Variants in PRSS48 observed in about 807,000 individuals in gnomAD.
The protein encoded by PRSS48 is serine protease 48.
A neutral mutation model predicts 25.6 loss-of-function variants in PRSS48; 21 were observed. The observed-to-expected ratio is 0.82, with a 90% CI of 0.58 to 1.18. PRSS48 has a LOEUF of 1.18. PRSS48 is among the 50% of genes most tolerant of loss of function. PRSS48 has a pLI of 0.00. For synonymous variants in PRSS48, 150 were observed against 149.3 expected, an observed-to-expected ratio of 1.00 and a Z score of -0.04; for missense variants, 373 against 399.3, an observed-to-expected ratio of 0.93 and a Z score of 0.56.
intron 4 of PRSS48, among the ~76,000 whole-genome samples, chr4:151,287,341 CA>C (rs34944826): frequency 0.7 from 57,557 of 82,406 alleles, 18,213 homozygotes; most frequent in Middle Eastern, 0.77. Flanking sequence ...ACTCTGTCTC[CA>C]AAAAAAAAAA....
rs747612679 is a variant in PRSS48 at position 151,291,339 on chromosome 4, CT to C, written c.874del (p.Ser292ProfsTer12). ...TACTCTCTCTGGCTCTCCTGCGTCC[CT>C]CCTGTGCCTTTGGACCTAACACTAT... On this transcript the variant is annotated frameshift_variant, in exon 5 of 5. Coordinates refer to ENST00000455694, the Ensembl canonical transcript of PRSS48. LOFTEE classifies it low-confidence loss of function (END_TRUNC). The C allele has an allele frequency of 6.2e-7, 1 of 1,613,928 alleles. No individual in the cohort carries two copies. The highest frequency in any genetic ancestry group is 8.5e-7 in the Non-Finnish European group (1 of 1,179,810).
chr4:151,286,202 A>AC (rs1774763994), intron 4 of PRSS48, among the ~76,000 whole-genome samples: 1 of 150,338 alleles, frequency 6.7e-6, no homozygotes, highest in African/African-American at 2.4e-5. Context: ...AAAAAAAAAA[A>AC]AACAACTAAA....
rs1216256284 is a variant in PRSS48 at position 151,281,660 on chromosome 4, G to A, written c.216-488G>A. Among the ~76,000 whole-genome samples, 3 of 145,224 alleles carry A rather than the reference G, an allele frequency of 2.1e-5. No individual in the cohort carries two copies. The East Asian group carries it at 6.0e-4, about 29-fold the overall frequency. ...AGTTTGAACTGAGGGTGGTGGGGCAGAGAACTTGTTATTTATTTATTTATT... is the reference window on the plus strand; with the variant it reads ...AGTTTGAACTGAGGGTGGTGGGGCAAAGAACTTGTTATTTATTTATTTATT... On this transcript the variant is annotated intron_variant, in intron 2 of 4. Coordinates refer to ENST00000455694, the Ensembl canonical transcript of PRSS48.
intron 4 of PRSS48, among the ~76,000 whole-genome samples, chr4:151,288,661 G>A (rs577760010): frequency 5.3e-5 from 8 of 151,554 alleles, no homozygotes; most frequent in South Asian, 2.1e-4. Context: ...GCAACGAAGC[G>A]AGACTCTGTC....
intron 1 of PRSS48, among the ~76,000 whole-genome samples, chr4:151,277,935 A>G (rs754151300): frequency 6.6e-6 from 1 of 152,012 alleles, no homozygotes; most frequent in South Asian, 2.1e-4. Context: ...CAGCTACTCA[A>G]TAGACTGAGG....
chr4:151,282,186 C>G, exon 3 of PRSS48: 1 of 1,613,832 alleles, frequency 6.2e-7, no homozygotes, highest in Middle Eastern at 1.7e-4. Flanking sequence ...TGGCTAGGAT[C>G]GATTACAGTA....
Position 151,282,147 on chromosome 4 carries a change from G to A in PRSS48, c.216-1G>A. The A allele has an allele frequency of 6.2e-7, 1 of 1,613,252 alleles. No individual in the cohort carries two copies. The highest frequency in any genetic ancestry group is 1.7e-4 in the Middle Eastern group (1 of 6,050). On this transcript the variant is annotated splice_acceptor_variant, in intron 2 of 4. Transcript: ENST00000455694. LOFTEE classifies it high-confidence loss of function. ...GCAGGCCTCCTTTCTTTTCCCCATA[G>A]GACCTGGACTACTTTTTCATATACT...
At position 151,282,139 on chromosome 4, in the gene PRSS48, T is replaced by TC; in HGVS notation, c.216-5dup. 1 of 1,612,412 alleles carries TC rather than the reference T, an allele frequency of 6.2e-7. No homozygotes were observed. The highest frequency in any genetic ancestry group is 8.5e-7 in the Non-Finnish European group (1 of 1,178,704). On this transcript the variant is annotated splice_polypyrimidine_tract_variant and intron_variant, in intron 2 of 4. Coordinates refer to ENST00000455694, the Ensembl canonical transcript of PRSS48. ...GGCCATAAGCAGGCCTCCTTTCTTT[T>TC]CCCCATAGGACCTGGACTACTTTTT...
chr4:151,277,270 A>G (rs371734127), intron 1 of PRSS48, 46 bp downstream of exon 1: 1 of 1,414,092 alleles, frequency 7.1e-7, no homozygotes, highest in Non-Finnish European at 9.5e-7. Context: ...GAGGATTTTT[A>G]CTAAAGAGGG....
At chr4:151,288,074 G>A (rs899992696) in intron 4 of PRSS48, among the ~76,000 whole-genome samples, 7 of 151,308 alleles carry the variant, frequency 4.6e-5, no homozygotes, top group Non-Finnish European at 1.0e-4. Flanking sequence ...ATCCAACAAC[G>A]CTTCACGTTA....
chr4:151,282,512 C>T (rs6849871), intron 3 of PRSS48, 99 bp downstream of exon 3: 6 of 1,274,504 alleles, frequency 4.7e-6, no homozygotes, highest in Middle Eastern at 2.1e-4. Context: ...AAATATTTTT[C>T]AACAAAACCA....
intron 4 of PRSS48, among the ~76,000 whole-genome samples, chr4:151,284,126 A>G (rs13112985): frequency 0.36 from 54,952 of 152,002 alleles, 10,931 homozygotes; most frequent in Middle Eastern, 0.45. Context: ...TATTTCACCA[A>G]CACTTGGAAA....
exon 3 of PRSS48, chr4:151,282,370 C>G (rs1253887658): frequency 4.3e-6 from 7 of 1,613,790 alleles, no homozygotes; most frequent in African/African-American, 1.3e-5. Context: ...CAATTCCACC[C>G]TTTTGTTGGG....
At chr4:151,286,184 G>GCAAAAA in intron 4 of PRSS48, among the ~76,000 whole-genome samples, 1 of 86,628 alleles carries the variant, frequency 1.2e-5, no homozygotes, top group Non-Finnish European at 2.0e-5. Context: ...CTGTCTTAAA[G>GCAAAAA]AAAAAAAAAA....
rs56850648 is a variant in PRSS48 at position 151,286,184 on chromosome 4, G to GAAA, written c.651+2916_651+2918dup. On this transcript the variant is annotated intron_variant, in intron 4 of 4. Transcript: ENST00000455694. The stretch of plus-strand genomic sequence containing the variant: ...TGACACAGTGAGACCCTGTCTTAAA[G>GAAA]AAAAAAAAAAAAAAAAAAAACAACT... Among the ~76,000 whole-genome samples, 233 of 86,594 alleles carry GAAA rather than the reference G, an allele frequency of 2.7e-3. 2 individuals are homozygous for GAAA. The highest frequency in any genetic ancestry group is 2.9e-3 in the African/African-American group (61 of 21,320). The allele number at this position is 86,594 out of a possible 152,430, so 56.8% of individuals were successfully genotyped here.
exon 1 of PRSS48, chr4:151,277,179 C>T (rs1212220005): frequency 1.3e-6 from 2 of 1,486,044 alleles, no homozygotes; most frequent in African/African-American, 1.4e-5. Flanking sequence ...AGACATGGGC[C>T]CTGCTGGCTG....
chr4:151,286,085 T>G (rs1580409682), intron 4 of PRSS48, among the ~76,000 whole-genome samples: 1 of 145,464 alleles, frequency 6.9e-6, no homozygotes, highest in African/African-American at 2.5e-5. Flanking sequence ...TCCCAGCTAC[T>G]TGGGAGGATT....
intron 4 of PRSS48, among the ~76,000 whole-genome samples, chr4:151,283,576 G>C (rs1774459896): frequency 6.7e-6 from 1 of 149,080 alleles, no homozygotes; most frequent in African/African-American, 2.5e-5. Context: ...TGAGTACAGT[G>C]GCATGATCAT....
chr4:151,277,285 ACATAGAACAATGTGACACTT>A, intron 1 of PRSS48, 61 bp downstream of exon 1: 2 of 1,323,160 alleles, frequency 1.5e-6, no homozygotes, highest in Non-Finnish European at 2.0e-6. Flanking sequence ...AGAGGGCATC[ACATAGAACAATGTGACACTT>A]CACCCATGGG....
Sources: allele counts gnomAD v4.1 joint callset (sites outside exome capture counted in the v4.1 genomes callset), GRCh38; gene constraint gnomAD v4.1.1; transcripts MANE v1.5; gene names NCBI Gene and HGNC (gene_info 2026-07-23, HGNC 2026-07-21).